Variants in PPFIA3 observed in about 807,000 individuals in gnomAD.
The protein encoded by PPFIA3 is PPFI scaffold protein A3.
PPFIA3 carries 26 observed loss-of-function variants against 145.8 expected under a neutral mutation model. That is an observed-to-expected ratio of 0.18 (90% CI 0.13 to 0.25). The LOEUF is 0.25. PPFIA3 is among the 10% of genes least tolerant of loss of function. PPFIA3 has a pLI of 1.00. For synonymous variants in PPFIA3, 645 were observed against 661.4 expected, an observed-to-expected ratio of 0.98 and a Z score of 0.38; for missense variants, 1,008 against 1,587.8, an observed-to-expected ratio of 0.63 and a Z score of 6.21.
At chr19:49,125,673 C>T (rs2040988120) in intron 1 of PPFIA3, among the ~76,000 whole-genome samples, 1 of 152,130 alleles carries the variant, frequency 6.6e-6, no homozygotes, top group South Asian at 2.1e-4. Flanking sequence ...GAGCCTGAAG[C>T]CTGGGACTTC....
intron 19 of PPFIA3, 39 bp downstream of exon 19, chr19:49,141,552 G>A: frequency 1.3e-6 from 2 of 1,538,816 alleles, no homozygotes; most frequent in Non-Finnish European, 1.8e-6. Flanking sequence ...GTGTGTATGT[G>A]AATGTGAGAG....
intron 11 of PPFIA3, 83 bp downstream of exon 11, chr19:49,134,248 C>T (rs1195952239): frequency 4.6e-6 from 7 of 1,519,700 alleles, no homozygotes; most frequent in Non-Finnish European, 6.2e-6. Flanking sequence ...GCCTTTCCCT[C>T]AGATCTGTTA....
At chr19:49,139,063 C>T (rs965798360) in intron 16 of PPFIA3, among the ~76,000 whole-genome samples, 1 of 152,036 alleles carries the variant, frequency 6.6e-6, no homozygotes, top group Non-Finnish European at 1.5e-5. Flanking sequence ...GAGATATTGG[C>T]CCTATTTTAC....
chr19:49,135,338 A>G lies in PPFIA3; in HGVS notation c.1520+423A>G, dbSNP rs191484928. ...ATTACAGGTGTGAGCCACTGTGCTC[A>G]GCCCACTCTGGTTTTTTACCCTGAC... On this transcript the variant is annotated intron_variant, in intron 13 of 29. Coordinates refer to ENST00000334186, the MANE Select transcript of PPFIA3 (RefSeq NM_003660.4). Among the ~76,000 whole-genome samples the G allele has an allele frequency of 2.5e-3, 378 of 151,118 alleles. 1 individual carries two copies. Among genetic ancestry groups the G allele is most frequent in the African/African-American group, 8.1e-3 (336 of 41,244 alleles).
chr19:49,121,550 G>A (rs112629080), intron 1 of PPFIA3, among the ~76,000 whole-genome samples: 9,739 of 152,184 alleles, frequency 0.064, 501 homozygotes, highest in Admixed American at 0.16. Flanking sequence ...GCTGAAGCGG[G>A]CGGATCACCT....
In PPFIA3 at chr19:49,133,391, C is replaced by T. The variant is rs1468384462; in HGVS notation, c.1161+20C>T. The T allele has an allele frequency of 6.9e-7, 1 of 1,450,424 alleles. No homozygotes were observed. Among genetic ancestry groups the T allele is most frequent in the Non-Finnish European group, 9.2e-7 (1 of 1,088,534 alleles). 89.8% of individuals were successfully genotyped at this position (1,450,424 alleles called of 1,614,324 possible). A position where few individuals can be genotyped will look rare whatever the true frequency, so the allele number is the denominator to read the frequency against. ...AACAAGGTGCGGGGAGGACTCGGGTCGGGGCCTTGCGTGGGGAAGGGGTGG... is the reference window on the plus strand; with the variant it reads ...AACAAGGTGCGGGGAGGACTCGGGTTGGGGCCTTGCGTGGGGAAGGGGTGG... On this transcript the variant is annotated intron_variant, in intron 9 of 29. Transcript: ENST00000334186. This position sits in a 1 kb window ranked among gnomAD's most constrained non-coding sequence, Gnocchi z 7.2.
chr19:49,128,585 T>C lies in PPFIA3; in HGVS notation c.342+117T>C. ...ATTTTTTTCCCCCATCTCGCCTTTC[T>C]GTCTTCTCCTCTTCCCTGCTCCCAC... On this transcript the variant is annotated intron_variant, in intron 3 of 29. Transcript: ENST00000334186. This position sits in a 1 kb window ranked among gnomAD's most constrained non-coding sequence, Gnocchi z 4.1. 3 of 961,862 alleles carry C rather than the reference T, an allele frequency of 3.1e-6. No individual in the cohort carries two copies. The highest frequency in any genetic ancestry group is 1.5e-5 in the South Asian group (1 of 65,874). 59.6% of individuals were successfully genotyped at this position (961,862 alleles called of 1,614,324 possible). A position where few individuals can be genotyped will look rare whatever the true frequency, so the allele number is the denominator to read the frequency against.
chr19:49,142,738 C>CCCA, intron 20 of PPFIA3, 66 bp from the exon 21 acceptor site: 1 of 1,454,640 alleles, frequency 6.9e-7, no homozygotes, highest in Non-Finnish European at 9.6e-7. Context: ...CCCTGTTCCC[C>CCCA]CATCTCTCCG....
rs1461957771 is a variant in PPFIA3, at chr19:49,149,960, A to G, written c.3527-120A>G. Reference sequence around the variant, plus strand: ...TCCTTGGCTGCGGGGAAGGGAGGGAAACCCATGTGGAGCCCGGCGATCGTT... The same window carrying G: ...TCCTTGGCTGCGGGGAAGGGAGGGAGACCCATGTGGAGCCCGGCGATCGTT... On this transcript the variant is annotated intron_variant, in intron 28 of 29. Coordinates refer to ENST00000334186, the MANE Select transcript of PPFIA3 (RefSeq NM_003660.4). This position sits in a 1 kb window ranked among gnomAD's most constrained non-coding sequence, Gnocchi z 5.7. 3 of 1,280,556 alleles carry G rather than the reference A, an allele frequency of 2.3e-6. No homozygotes were observed. The highest frequency in any genetic ancestry group is 3.2e-6 in the Non-Finnish European group (3 of 923,380). 79.3% of individuals were successfully genotyped at this position (1,280,556 alleles called of 1,614,324 possible).
chr19:49,134,857 G>T lies in PPFIA3; in HGVS notation c.1462G>T (p.Glu488Ter), dbSNP rs1406608813. Residue 488 changes from glutamate (E) to a stop codon, truncating the protein, a stop_gained, in exon 13 of 30, where the codon GAG becomes TAG. Coordinates refer to ENST00000334186, the MANE Select transcript of PPFIA3 (RefSeq NM_003660.4). LOFTEE classifies it high-confidence loss of function. ...CCAGGAGCAGCTCTTGGCCGAAATG[G>T]AGCGGATGCAGATGGAGATCGACCA... ...LNKEQLLAEM[E>*]RMQMEIDQLR... 6.3e-7 allele frequency: 1 copy of T among 1,596,952 alleles called. No individual in the cohort carries two copies. Among genetic ancestry groups the T allele is most frequent in the Non-Finnish European group, 8.5e-7 (1 of 1,169,864 alleles).
intron 1 of PPFIA3, among the ~76,000 whole-genome samples, chr19:49,127,231 A>C (rs1225692719): frequency 6.6e-6 from 1 of 151,456 alleles, no homozygotes; most frequent in Non-Finnish European, 1.5e-5. Context: ...AAAATACAAA[A>C]ATTAGCTGGG....
Position 49,130,247 on chromosome 19 carries a change from C to A in PPFIA3, c.658-131C>A. Reference sequence around the variant, plus strand: ...AACTTCTGTGACCTCCTTCACTGACCCCCGTGGACTCTGACCAGCATGATC... The same window carrying A: ...AACTTCTGTGACCTCCTTCACTGACACCCGTGGACTCTGACCAGCATGATC... On this transcript the variant is annotated intron_variant, in intron 6 of 29. Coordinates refer to ENST00000334186, the MANE Select transcript of PPFIA3 (RefSeq NM_003660.4). The surrounding 1 kb of genome is among the most constrained non-coding windows in gnomAD (Gnocchi z 4.5). The A allele has an allele frequency of 8.8e-7, 1 of 1,142,298 alleles. No individual in the cohort carries two copies. The allele number at this position is 1,142,298 out of a possible 1,614,324, so 70.8% of individuals were successfully genotyped here.
intron 4 of PPFIA3, 72 bp downstream of exon 4, chr19:49,129,084 G>T: frequency 3.4e-6 from 5 of 1,456,046 alleles, no homozygotes; most frequent in Non-Finnish European, 4.6e-6. Context: ...GAGTGGGAGA[G>T]ATTCTGGCCG....
chr19:49,122,956 C>G (rs1009386542), intron 1 of PPFIA3, among the ~76,000 whole-genome samples: 15 of 151,678 alleles, frequency 9.9e-5, no homozygotes, highest in Non-Finnish European at 1.5e-5. Context: ...CTGTTAACCT[C>G]GTGATCCACC....
intron 25 of PPFIA3, 83 bp downstream of exon 25, chr19:49,148,846 G>A (rs1401914961): frequency 2.6e-6 from 4 of 1,533,036 alleles, no homozygotes; most frequent in African/African-American, 1.5e-5. Context: ...GGGGGAGACC[G>A]GAGAAGCAAA....
rs116563293 is a variant in PPFIA3 at position 49,141,175 on chromosome 19, G to A, written c.2369-245G>A. ...TTCCCTTCTGCCTCCCCAAGGAGCC[G>A]GTTGTTAGGCATTTACCAGCATACA... On this transcript the variant is annotated intron_variant, in intron 18 of 29. Transcript: ENST00000334186. Among the ~76,000 whole-genome samples the A allele has an allele frequency of 2.7e-4, 41 of 152,190 alleles. 1 individual carries two copies. Among genetic ancestry groups the A allele is most frequent in the African/African-American group, 9.2e-4 (38 of 41,512 alleles).
At position 49,133,677 on chromosome 19, in the gene PPFIA3, C is replaced by A; in HGVS notation, c.1162-119C>A. Reference sequence around the variant, plus strand: ...AGGGGCGGGGCCTGACTCAAAGGTGCAGGGGAGGAGCCTGGCGCTGTGGGG... The same window carrying A: ...AGGGGCGGGGCCTGACTCAAAGGTGAAGGGGAGGAGCCTGGCGCTGTGGGG... On this transcript the variant is annotated intron_variant, in intron 9 of 29. Transcript: ENST00000334186. This position sits in a 1 kb window ranked among gnomAD's most constrained non-coding sequence, Gnocchi z 7.2. The A allele has an allele frequency of 9.0e-7, 1 of 1,116,648 alleles. No homozygotes were observed. Among genetic ancestry groups the A allele is most frequent in the Non-Finnish European group, 1.3e-6 (1 of 750,178 alleles). The allele number at this position is 1,116,648 out of a possible 1,614,324, so 69.2% of individuals were successfully genotyped here. A position where few individuals can be genotyped will look rare whatever the true frequency, so the allele number is the denominator to read the frequency against.
chr19:49,128,694 A>T lies in PPFIA3; in HGVS notation c.343-154A>T. ...TCTTTTCTGTACCACCGGTTCCTTG[A>T]CCCCGACCTCCTCTCTTTTCCTGAC... is the stretch of plus-strand genomic sequence containing the variant. On this transcript the variant is annotated intron_variant, in intron 3 of 29. Transcript: ENST00000334186. This position sits in a 1 kb window ranked among gnomAD's most constrained non-coding sequence, Gnocchi z 4.1. 1.2e-6 allele frequency: 1 copy of T among 825,282 alleles called. No homozygotes were observed. Among genetic ancestry groups the T allele is most frequent in the South Asian group, 1.9e-5 (1 of 52,962 alleles). 51.1% of individuals were successfully genotyped at this position (825,282 alleles called of 1,614,324 possible).
At position 49,133,037 on chromosome 19, in the gene PPFIA3, A is replaced by G. The variant is rs1429022119; in HGVS notation, c.916A>G (p.Thr306Ala). The change falls in exon 8 of 30, where the codon ACA (threonine) becomes GCA (alanine). Residue 306 changes from threonine (T) to alanine (A), a missense_variant. Transcript: ENST00000334186. The surrounding 1 kb of genome is among the most constrained non-coding windows in gnomAD (Gnocchi z 7.2). ...GCGGGAAGATATGGAGGAGCGGATT[A>G]CAACACTGGAGAAGCGCTACCTGAG... ...AQREDMEERI[T>A]TLEKRYLSAQ... 2 of 1,612,740 alleles carry G rather than the reference A, an allele frequency of 1.2e-6. No homozygotes were observed. The highest frequency in any genetic ancestry group is 8.5e-7 in the Non-Finnish European group (1 of 1,179,902).
Sources: gnomAD v4.1 joint callset for allele counts (sites outside exome capture counted in the v4.1 genomes callset) on GRCh38, gnomAD v4.1.1 for gene constraint, Gnocchi (gnomAD v3.1) non-coding constraint, MANE v1.5 for transcripts, NCBI Gene and HGNC (gene_info 2026-07-23, HGNC 2026-07-21) for gene names.